AOAH: variants seen among roughly 807,000 people sequenced by gnomAD.
AOAH encodes the protein acyloxyacyl hydrolase (neutrophil).
Under a neutral mutation model 92.2 loss-of-function variants are expected in AOAH, and 64 were observed. That is an observed-to-expected ratio of 0.69 (90% confidence interval 0.57 to 0.86). The LOEUF (loss-of-function observed/expected upper bound fraction) is 0.86, where lower values mean the gene tolerates loss of function less well. AOAH is among the 40% of genes least tolerant of loss of function. AOAH has a pLI of 0.00. For missense variants in AOAH, 656 were observed against 694.6 expected (o/e 0.94, Z 0.62); for synonymous variants, 263 against 254.5 (o/e 1.03, Z -0.32).
intron 4 of AOAH, among the ~76,000 whole-genome samples, chr7:36,643,931 G>C (rs1794072257): frequency 6.6e-6 from 1 of 152,024 alleles, no homozygotes; most frequent in African/African-American, 2.4e-5. Flanking sequence ...ATGCTTCCTG[G>C]TACCGGCCTG....
intron 1 of AOAH, among the ~76,000 whole-genome samples, chr7:36,721,458 C>A (rs1799626426): frequency 6.6e-6 from 1 of 152,202 alleles, no homozygotes; most frequent in Non-Finnish European, 1.5e-5. Context: ...CAAAAGCCAA[C>A]TTCAATCAGT....
intron 11 of AOAH, among the ~76,000 whole-genome samples, chr7:36,609,026 A>G (rs765937049): frequency 1.3e-5 from 2 of 152,118 alleles, no homozygotes; most frequent in Non-Finnish European, 2.9e-5. Flanking sequence ...GCAATTGGCA[A>G]TGAGCTCTAG....
At chr7:36,696,978 T>A (rs1433554129) in intron 1 of AOAH, among the ~76,000 whole-genome samples, 1 of 152,224 alleles carries the variant, frequency 6.6e-6, no homozygotes, top group African/African-American at 2.4e-5. Flanking sequence ...TTTAGGATTA[T>A]GTTGTCTGAC....
intron 1 of AOAH, among the ~76,000 whole-genome samples, chr7:36,715,537 A>T (rs1478624039): frequency 2.0e-5 from 3 of 151,228 alleles, no homozygotes; most frequent in African/African-American, 7.3e-5. Context: ...AGCCAAAAGA[A>T]CAAAGCTGGA....
chr7:36,515,339 C>T (rs1461144917), intron 20 of AOAH, among the ~76,000 whole-genome samples: 2 of 133,576 alleles, frequency 1.5e-5, no homozygotes, highest in African/African-American at 2.9e-5. Context: ...ACACCACACA[C>T]ACATAATCAC....
At chr7:36,655,621 C>G (rs919809263) in intron 4 of AOAH, among the ~76,000 whole-genome samples, 1 of 152,026 alleles carries the variant, frequency 6.6e-6, no homozygotes, top group East Asian at 1.9e-4. Flanking sequence ...CGTGGAGATC[C>G]CAAACTATGT....
In AOAH at chr7:36,631,907, G is replaced by C. The variant is rs537160538; in HGVS notation, c.521+129C>G. The C allele has an allele frequency of 1.1e-5, 8 of 703,636 alleles. No individual in the cohort carries two copies. The African/African-American group carries it at 1.3e-4, about 11-fold the overall frequency. 43.6% of individuals were successfully genotyped at this position (703,636 alleles called of 1,614,324 possible). A position where few individuals can be genotyped will look rare whatever the true frequency, so the allele number is the denominator to read the frequency against. ...TCTTTTGGTTTCTGTGCAATGTTTT[G>C]AGAAAGAAACACTCTCACCTTCAGG... is the stretch of plus-strand genomic sequence containing the variant. On this transcript the variant is annotated intron_variant, in intron 6 of 20. Coordinates refer to ENST00000617537, the MANE Select transcript of AOAH (RefSeq NM_001637.4).
At chr7:36,514,443 G>A (rs1294783761) in intron 20 of AOAH, 6 of 1,484,616 alleles carry the variant, frequency 4.0e-6, no homozygotes, top group East Asian at 4.9e-5. Flanking sequence ...CAGCAGGCTC[G>A]ACTCTGGCTT....
chr7:36,694,970 C>T (rs1487980538), intron 1 of AOAH, among the ~76,000 whole-genome samples: 1 of 151,968 alleles, frequency 6.6e-6, no homozygotes, highest in Non-Finnish European at 1.5e-5. Context: ...AATAATTTTA[C>T]ACTCTGCCCA....
chr7:36,596,317 G>A (rs191363951), intron 11 of AOAH, among the ~76,000 whole-genome samples: 8 of 152,316 alleles, frequency 5.3e-5, no homozygotes, highest in Admixed American at 4.6e-4. Context: ...CAGAGAGATA[G>A]AGAATGAGCA....
At chr7:36,723,780 C>T (rs1296000806) in intron 1 of AOAH, among the ~76,000 whole-genome samples, 8 of 152,014 alleles carry the variant, frequency 5.3e-5, no homozygotes, top group African/African-American at 1.7e-4. Flanking sequence ...ATTCCAATCG[C>T]CAATGAGGTG....
chr7:36,577,024 C>CTTTT (rs565396541), intron 12 of AOAH, among the ~76,000 whole-genome samples: 2 of 131,428 alleles, frequency 1.5e-5, no homozygotes, highest in Non-Finnish European at 3.3e-5. Context: ...TGTTGCCTTT[C>CTTTT]TTTTTTTTTT....
chr7:36,717,168 T>G (rs1186782737), intron 1 of AOAH, among the ~76,000 whole-genome samples: 2 of 152,112 alleles, frequency 1.3e-5, no homozygotes, highest in Non-Finnish European at 2.9e-5. Flanking sequence ...CGTCCTCAGG[T>G]CTTCTGGTTA....
intron 3 of AOAH, among the ~76,000 whole-genome samples, chr7:36,671,609 ATGTGTGTGTGCGTGTGTGCATC>A (rs1006535977): frequency 6.7e-6 from 1 of 150,078 alleles, no homozygotes; most frequent in Non-Finnish European, 1.5e-5. Context: ...GTGTGTGTGT[ATGTGTGTGTGCGTGTGTGCATC>A]TGTGTGTGTG....
At chr7:36,558,680 C>T (rs1443136637) in intron 13 of AOAH, among the ~76,000 whole-genome samples, 18 of 152,244 alleles carry the variant, frequency 1.2e-4, no homozygotes, top group Admixed American at 1.2e-3. Flanking sequence ...TGGGCAATGG[C>T]GGGAGCCCCT....
chr7:36,641,225 T>A (rs1793884827), intron 4 of AOAH, among the ~76,000 whole-genome samples: 1 of 152,160 alleles, frequency 6.6e-6, no homozygotes, highest in African/African-American at 2.4e-5. Context: ...CATGCATGGC[T>A]TTCTTGTTTA....
At chr7:36,713,977 G>A (rs185737851) in intron 1 of AOAH, among the ~76,000 whole-genome samples, 3,036 of 151,986 alleles carry the variant, frequency 0.02, 82 homozygotes, top group Non-Finnish European at 0.024. Flanking sequence ...AACTAAGATC[G>A]GAGCAGAACT....
intron 12 of AOAH, 85 bp downstream of exon 12, chr7:36,594,254 T>C (rs567561408): frequency 5.5e-6 from 6 of 1,090,740 alleles, no homozygotes; most frequent in Non-Finnish European, 8.4e-6. Context: ...AATTCGCATT[T>C]CAACATCTTG....
intron 2 of AOAH, among the ~76,000 whole-genome samples, chr7:36,679,746 C>T (rs1404412409): frequency 6.6e-6 from 1 of 152,104 alleles, no homozygotes; most frequent in Non-Finnish European, 1.5e-5. Context: ...CAACCTCCAC[C>T]TCCAGTGTTC....
Sources: gnomAD v4.1 joint callset for allele counts (sites outside exome capture counted in the v4.1 genomes callset) on GRCh38, gnomAD v4.1.1 for gene constraint, MANE v1.5 for transcripts, NCBI Gene and HGNC (gene_info 2026-07-23, HGNC 2026-07-21) for gene names.